Variants in FGD3 observed in about 807,000 individuals in gnomAD.
FGD3 encodes FYVE, RhoGEF and PH domain containing 3.
FGD3 carries 45 observed loss-of-function variants against 71.8 expected under a neutral mutation model. That is an observed-to-expected ratio of 0.63 (90% CI 0.49 to 0.80). The LOEUF is 0.80. Ranked by LOEUF, FGD3 falls within the 30% of genes least tolerant of loss-of-function variation. The pLI, the probability that FGD3 is intolerant of heterozygous loss-of-function variation, is 0.00. For missense variants in FGD3, 844 were observed against 951.5 expected (o/e 0.89, Z 1.49); for synonymous variants, 378 against 392.8 (o/e 0.96, Z 0.44).
At chr9:93,011,395 C>T in intron 8 of FGD3, 123 bp downstream of exon 8, 1 of 1,139,862 alleles carries the variant, frequency 8.8e-7, no homozygotes. Flanking sequence ...CTCTTTTATA[C>T]CTCCTTCCAC....
intron 1 of FGD3, among the ~76,000 whole-genome samples, chr9:92,958,398 G>A (rs1438529244): frequency 6.6e-6 from 1 of 152,206 alleles, no homozygotes; most frequent in African/African-American, 2.4e-5. Context: ...CATATTCAGA[G>A]ACACTCTCTT....
chr9:93,010,453 GA>G, intron 7 of FGD3, 69 bp downstream of exon 7: 1 of 1,471,758 alleles, frequency 6.8e-7, no homozygotes, highest in African/African-American at 1.6e-5. Context: ...GGTGGGGAGA[GA>G]GGGAGAGAGA....
chr9:92,966,896 GTT>G (rs962559061), intron 1 of FGD3, among the ~76,000 whole-genome samples: 2 of 151,872 alleles, frequency 1.3e-5, no homozygotes, highest in African/African-American at 4.8e-5. Flanking sequence ...TTTAAAAAAA[GTT>G]TTCTTTTTAA....
intron 6 of FGD3, 69 bp downstream of exon 6, chr9:93,006,249 T>C: frequency 7.1e-7 from 1 of 1,410,506 alleles, no homozygotes; most frequent in Non-Finnish European, 9.3e-7. Flanking sequence ...TTTTATTTTT[T>C]AAAAACATAT....
intron 14 of FGD3, among the ~76,000 whole-genome samples, chr9:93,028,212 A>ACG (rs1862201230): frequency 1.2e-5 from 1 of 81,598 alleles, no homozygotes; most frequent in South Asian, 3.3e-4. Context: ...ACACACACAC[A>ACG]CACACGCACA....
At chr9:93,015,522 A>T (rs985317471) in intron 9 of FGD3, 29 of 414,340 alleles carry the variant, frequency 7.0e-5, no homozygotes, top group African/African-American at 5.3e-4. Context: ...TTAAAAATTT[A>T]AAAATAGAAA....
chr9:93,004,388 A>G (rs10761187), intron 5 of FGD3, among the ~76,000 whole-genome samples: 82,711 of 152,160 alleles, frequency 0.54, 23,090 homozygotes, highest in African/African-American at 0.65. Flanking sequence ...TTAACGCCCC[A>G]CTTGGGGCTC....
intron 5 of FGD3, 132 bp from the exon 6 acceptor site, chr9:93,005,892 G>A (rs1048849416): frequency 1.2e-5 from 11 of 907,108 alleles, no homozygotes; most frequent in Non-Finnish European, 1.8e-5. Context: ...GGCTCAGAGA[G>A]GGTGACCAAT....
chr9:93,005,183 C>T (rs1861005947), intron 5 of FGD3, among the ~76,000 whole-genome samples: 1 of 152,048 alleles, frequency 6.6e-6, no homozygotes, highest in Admixed American at 6.5e-5. Flanking sequence ...AGTGCAGTGG[C>T]GTGATCTCAG....
chr9:93,013,297 T>C (rs1587856036), intron 8 of FGD3, among the ~76,000 whole-genome samples: 1 of 152,212 alleles, frequency 6.6e-6, no homozygotes, highest in African/African-American at 2.4e-5. Flanking sequence ...GCACAGCAGG[T>C]ACAGACTCAG....
chr9:92,965,936 G>T (rs1859306929), intron 1 of FGD3, among the ~76,000 whole-genome samples: 1 of 152,192 alleles, frequency 6.6e-6, no homozygotes, highest in Non-Finnish European at 1.5e-5. Flanking sequence ...CTGGGCTTGT[G>T]GAACAAGGAG....
intron 6 of FGD3, among the ~76,000 whole-genome samples, chr9:93,009,925 T>A (rs10992575): frequency 0.44 from 67,418 of 151,916 alleles, 15,260 homozygotes; most frequent in Admixed American, 0.51. Context: ...TGGGTGAGAG[T>A]GGGGAAAAGC....
chr9:92,967,918 A>G (rs759388608), intron 1 of FGD3, among the ~76,000 whole-genome samples: 22 of 152,106 alleles, frequency 1.4e-4, no homozygotes, highest in Non-Finnish European at 2.8e-4. Context: ...TGGAGAGGCC[A>G]CCTTTTCTTT....
chr9:92,996,745 A>G (rs577400338), intron 3 of FGD3, among the ~76,000 whole-genome samples: 5 of 152,336 alleles, frequency 3.3e-5, no homozygotes, highest in Non-Finnish European at 7.3e-5. Context: ...CCCAGTAGTC[A>G]TTCAGGAGCA....
At chr9:92,949,161 T>G (rs1222359999) in intron 1 of FGD3, among the ~76,000 whole-genome samples, 1 of 152,128 alleles carries the variant, frequency 6.6e-6, no homozygotes, top group African/African-American at 2.4e-5. Context: ...CAGAGCAGGA[T>G]GCATCCTCCT....
In FGD3 at chr9:93,035,593, G is replaced by T. The variant is rs575026591; in HGVS notation, c.*4G>T. The T allele has an allele frequency of 1.5e-5, 24 of 1,582,090 alleles. No homozygotes were observed. In the East Asian group the frequency reaches 5.4e-4, roughly 36 times the overall value. On this transcript the variant is annotated 3_prime_UTR_variant, in exon 18 of 18. Transcript: ENST00000375482. ...TATGGGCGCAGCTGCTCCGTGAGCT[G>T]AGTCTCCCACTGCCCTGCACACCAC...
chr9:92,954,470 C>G (rs1047060119), intron 1 of FGD3, among the ~76,000 whole-genome samples: 1 of 152,170 alleles, frequency 6.6e-6, no homozygotes, highest in Admixed American at 6.5e-5. Flanking sequence ...GAGAAGCAGC[C>G]GGGCTCTGAG....
chr9:93,018,283 T>G, intron 11 of FGD3, 68 bp downstream of exon 11: 1 of 1,371,742 alleles, frequency 7.3e-7, no homozygotes, highest in Non-Finnish European at 1.0e-6. Context: ...CTGGTTAACC[T>G]TGTAATATAT....
Position 93,018,151 on chromosome 9 carries a change from A to C in FGD3, c.1291A>C (p.Lys431Gln), listed in dbSNP as rs1446698210. 1 of 1,614,064 alleles carries C rather than the reference A, an allele frequency of 6.2e-7. No homozygotes were observed. The highest frequency in any genetic ancestry group is 2.2e-5 in the East Asian group (1 of 44,900). The change falls in exon 11 of 18, where the codon AAG becomes CAG. Residue 431 changes from lysine (K) to glutamine (Q), a missense_variant. By Grantham distance (53) the Lys-to-Gln change is moderately conservative (BLOSUM62 1). Transcript: ENST00000375482. ...ISGLQVQDIV[K>Q]PNTAHTFIIT... ...GCCCCTTCAGGTGCAGGATATCGTCAAGCCAAACACAGCACATACATTCAT... is the reference window on the plus strand; with the variant it reads ...GCCCCTTCAGGTGCAGGATATCGTCCAGCCAAACACAGCACATACATTCAT...
Sources: gnomAD v4.1 joint callset for allele counts (sites outside exome capture counted in the v4.1 genomes callset) on GRCh38, gnomAD v4.1.1 for gene constraint, MANE v1.5 for transcripts, NCBI Gene and HGNC (gene_info 2026-07-23, HGNC 2026-07-21) for gene names.